ANKRD20A1: variants seen among roughly 807,000 people sequenced by gnomAD.
ANKRD20A1 encodes ankyrin repeat domain-containing protein 20A1.
Under a neutral mutation model 50.9 loss-of-function variants are expected in ANKRD20A1, and 2 were observed. The ratio of observed to expected loss-of-function variants is 0.04; its 90% CI spans 0.02 to 0.12. ANKRD20A1 has a LOEUF of 0.12. ANKRD20A1 is among the 10% of genes least tolerant of loss of function. The pLI is 1.00. For missense variants in ANKRD20A1, 31 were observed against 548.1 expected, an observed-to-expected ratio of 0.06 and a Z score of 9.42; for synonymous variants, 10 against 186.2, an observed-to-expected ratio of 0.05 and a Z score of 7.70.
chr9:67,898,479 T>C (rs1444322489), intron 13 of ANKRD20A1, among the ~76,000 whole-genome samples: 4 of 132,686 alleles, frequency 3.0e-5, no homozygotes, highest in Non-Finnish European at 6.7e-5. Flanking sequence ...TATTAATATA[T>C]AATTAACATG....
chr9:67,880,893 A>G (rs1315325446), intron 8 of ANKRD20A1, among the ~76,000 whole-genome samples: 6 of 92,936 alleles, frequency 6.5e-5, no homozygotes. Flanking sequence ...TTTAAATCAT[A>G]CGAGTGTGAC....
intron 9 of ANKRD20A1, among the ~76,000 whole-genome samples, chr9:67,885,759 A>G (rs1827873170): frequency 6.6e-6 from 1 of 152,306 alleles, no homozygotes; most frequent in Non-Finnish European, 1.5e-5. Context: ...AGCTTCTGGA[A>G]GGTGCACATT....
At chr9:67,881,652 A>C (rs1178702355) in intron 8 of ANKRD20A1, among the ~76,000 whole-genome samples, 2 of 152,280 alleles carry the variant, frequency 1.3e-5, no homozygotes, top group African/African-American at 4.8e-5. Context: ...AAAATTAACC[A>C]GGCGTGATGG....
At chr9:67,866,399 G>C (rs1382851826) in intron 3 of ANKRD20A1, among the ~76,000 whole-genome samples, 5 of 150,786 alleles carry the variant, frequency 3.3e-5, no homozygotes, top group Non-Finnish European at 5.9e-5. Flanking sequence ...CTTTCTAACA[G>C]TAAAGATAAA....
rs1243304469 is a variant in ANKRD20A1, at chr9:67,859,887, G to A, written c.203+258G>A. 1.0e-3 allele frequency among the ~76,000 whole-genome samples: 50 copies of A among 49,426 alleles called. 23 individuals carry two copies. Among genetic ancestry groups the A allele is most frequent in the Non-Finnish European group, 2.9e-4 (7 of 24,380 alleles). 32.4% of individuals were successfully genotyped at this position (49,426 alleles called of 152,430 possible). A position where few individuals can be genotyped will look rare whatever the true frequency, so the allele number is the denominator to read the frequency against. Reference sequence around the variant, plus strand: ...AACATGGTTTATATACATTATAGGAGGTGCCTAATGAGAGAACTCGTTCCC... The same window carrying A: ...AACATGGTTTATATACATTATAGGAAGTGCCTAATGAGAGAACTCGTTCCC... On this transcript the variant is annotated intron_variant, in intron 1 of 14. Coordinates refer to ENST00000562196, the MANE Select transcript of ANKRD20A1 (RefSeq NM_032250.5).
At position 67,859,183 on chromosome 9, in the gene ANKRD20A1, G is replaced by A; in HGVS notation, c.-244G>A. 8.0e-6 allele frequency: 2 copies of A among 249,302 alleles called. 1 individual carries two copies. Among genetic ancestry groups the A allele is most frequent in the Non-Finnish European group, 1.2e-5 (2 of 173,234 alleles). The allele number at this position is 249,302 out of a possible 1,614,324, so 15.4% of individuals were successfully genotyped here. ...CCAACGGCTTTGCGAGGCTCACTCG[G>A]TCTGAGAGGTCGGAGGCTGCGAGTG... On this transcript the variant is annotated 5_prime_UTR_variant, in exon 1 of 15. Transcript: ENST00000562196.
At chr9:67,882,552 CA>C (rs1281684879) in intron 8 of ANKRD20A1, among the ~76,000 whole-genome samples, 2 of 150,056 alleles carry the variant, frequency 1.3e-5, no homozygotes, top group Non-Finnish European at 3.0e-5. Flanking sequence ...GGAATCTTAA[CA>C]TTGAGATTTT....
intron 8 of ANKRD20A1, among the ~76,000 whole-genome samples, chr9:67,882,871 G>A (rs1259904414): frequency 4.0e-5 from 6 of 150,312 alleles, no homozygotes; most frequent in African/African-American, 9.7e-5. Flanking sequence ...CCGCCTATGA[G>A]TGAGAACATG....
chr9:67,873,738 G>GT (rs1827697793), intron 6 of ANKRD20A1, among the ~76,000 whole-genome samples: 1 of 108,210 alleles, frequency 9.2e-6, no homozygotes, highest in Admixed American at 1.0e-4. Context: ...GCCTCCAGGA[G>GT]TTCTGTCCTG....
chr9:67,863,787 C>T (rs1827521920), intron 3 of ANKRD20A1, among the ~76,000 whole-genome samples: 1 of 39,382 alleles, frequency 2.5e-5, no homozygotes, highest in Admixed American at 2.2e-4. Flanking sequence ...GTTGCTGTTG[C>T]TGCTAATTTT....
intron 9 of ANKRD20A1, among the ~76,000 whole-genome samples, chr9:67,885,376 A>G: frequency 6.6e-6 from 1 of 152,304 alleles, no homozygotes; most frequent in Non-Finnish European, 1.5e-5. Flanking sequence ...CTGGGGAGGC[A>G]TTAAGGATTG....
rs1587593806 is a variant in ANKRD20A1, at chr9:67,860,193, G to A, written c.203+564G>A. 4.5e-5 allele frequency among the ~76,000 whole-genome samples: 2 copies of A among 44,138 alleles called. 1 individual carries two copies. The highest frequency in any genetic ancestry group is 8.6e-4 in the East Asian group (2 of 2,318). The allele number at this position is 44,138 out of a possible 152,430, so 29.0% of individuals were successfully genotyped here. On this transcript the variant is annotated intron_variant, in intron 1 of 14. Transcript: ENST00000562196. ...CTACTTCAGCCTCCCAAGTAGCTGG[G>A]ATTGCAGGCAGGTGCCAGCATGCCT... is the stretch of plus-strand genomic sequence containing the variant.
intron 13 of ANKRD20A1, 71 bp downstream of exon 13, chr9:67,897,793 T>TTTA: frequency 1.4e-5 from 10 of 711,028 alleles, no homozygotes; most frequent in African/African-American, 6.3e-5. Flanking sequence ...TTTGTTTTTT[T>TTTA]GAGATGGAGT....
intron 9 of ANKRD20A1, among the ~76,000 whole-genome samples, chr9:67,885,491 A>G (rs563011488): frequency 6.6e-6 from 1 of 152,430 alleles, no homozygotes; most frequent in South Asian, 2.1e-4. Flanking sequence ...AAATGTTGTA[A>G]CCTCATAGGA....
At position 67,871,504 on chromosome 9, in the gene ANKRD20A1, A is replaced by G. The variant is rs560966386; in HGVS notation, c.793+292A>G. Among the ~76,000 whole-genome samples, 11 of 112,280 alleles carry G rather than the reference A, an allele frequency of 9.8e-5. 2 individuals carry two copies. In the South Asian group the frequency reaches 2.9e-3, roughly 29 times the overall value. The allele number at this position is 112,280 out of a possible 152,430, so 73.7% of individuals were successfully genotyped here. ...TTAATTATGATCCCTAAAATCCTAT[A>G]TAATATTTTTGCATAAATAAGAAAA... On this transcript the variant is annotated intron_variant, in intron 6 of 14. Transcript: ENST00000562196.
At chr9:67,884,465 T>A in intron 8 of ANKRD20A1, 21 bp from the exon 9 acceptor site, 1 of 1,566,928 alleles carries the variant, frequency 6.4e-7, no homozygotes, top group Non-Finnish European at 8.6e-7. Context: ...AAATGGAAAC[T>A]AATTCTTGAT....
At chr9:67,881,668 G>A (rs529654889) in intron 8 of ANKRD20A1, among the ~76,000 whole-genome samples, 420 of 151,856 alleles carry the variant, frequency 2.8e-3, no homozygotes, top group African/African-American at 9.8e-3. Flanking sequence ...GATGGTGCAT[G>A]CCTGTAACCC....
At position 67,897,103 on chromosome 9, in the gene ANKRD20A1, G is replaced by A. The variant is rs1165468187; in HGVS notation, c.1153-456G>A. On this transcript the variant is annotated intron_variant, in intron 12 of 14. Coordinates refer to ENST00000562196, the MANE Select transcript of ANKRD20A1 (RefSeq NM_032250.5). ...AAAGAGTAGCTCAGTACAGAAAAGGGAAAACTTCTTTACTGTTCCCGAAGG... is the reference window on the plus strand; with the variant it reads ...AAAGAGTAGCTCAGTACAGAAAAGGAAAAACTTCTTTACTGTTCCCGAAGG... Among the ~76,000 whole-genome samples, 2 of 88,612 alleles carry A rather than the reference G, an allele frequency of 2.3e-5. 1 individual carries two copies. Among genetic ancestry groups the A allele is most frequent in the Non-Finnish European group, 5.0e-5 (2 of 40,110 alleles). 58.1% of individuals were successfully genotyped at this position (88,612 alleles called of 152,430 possible).
At chr9:67,867,626 T>C (rs542786681) in intron 4 of ANKRD20A1, among the ~76,000 whole-genome samples, 2 of 152,204 alleles carry the variant, frequency 1.3e-5, no homozygotes, top group African/African-American at 2.4e-5. Context: ...GGTACTGTAA[T>C]CTTTTATTAG....
Sources: gnomAD v4.1 joint callset for allele counts (sites outside exome capture counted in the v4.1 genomes callset) on GRCh38, gnomAD v4.1.1 for gene constraint, MANE v1.5 for transcripts, NCBI Gene and HGNC (gene_info 2026-07-23, HGNC 2026-07-21) for gene names.